HECW2: variants seen among roughly 807,000 people sequenced by gnomAD.
HECW2 encodes the protein E3 ubiquitin-protein ligase HECW2.
HECW2 carries 61 observed loss-of-function variants against 175.2 expected under a neutral mutation model. The observed-to-expected ratio is 0.35, with a 90% CI of 0.28 to 0.43. The LOEUF is 0.43. Among genes scored for constraint, HECW2 ranks in the 20% least tolerant of loss-of-function variants. The probability of loss-of-function intolerance (pLI) is 1.00; values close to 1 mark genes in which losing one functional copy is unlikely to be tolerated. For missense variants in HECW2, 1,524 were observed against 2,000.5 expected (o/e 0.76, Z 4.54); for synonymous variants, 671 against 731.0 (o/e 0.92, Z 1.32).
chr2:196,215,733 G>A, intron 28 of HECW2, 132 bp downstream of exon 28: 1 of 630,594 alleles, frequency 1.6e-6, no homozygotes, highest in Non-Finnish European at 2.7e-6. Flanking sequence ...GGTTATCAGG[G>A]AGAAATTCAT....
At chr2:196,572,947 T>C (rs746280127) in intron 1 of HECW2, among the ~76,000 whole-genome samples, 3 of 152,216 alleles carry the variant, frequency 2.0e-5, no homozygotes, top group Non-Finnish European at 4.4e-5. Flanking sequence ...TATTCCGTTA[T>C]AGCAGTCAGA....
chr2:196,423,318 C>G (rs6434856), intron 2 of HECW2, among the ~76,000 whole-genome samples: 147,157 of 152,166 alleles, frequency 0.97, 71,153 homozygotes, highest in East Asian at 1. Context: ...TGGAGAAATT[C>G]AGGTTTAAAA....
chr2:196,321,845 C>T (rs2105766701), intron 7 of HECW2, among the ~76,000 whole-genome samples: 1 of 152,298 alleles, frequency 6.6e-6, no homozygotes, highest in South Asian at 2.1e-4. Flanking sequence ...CTCTAGTCAG[C>T]TATGCATTAT....
At chr2:196,435,489 AACT>A (rs1695841974) in intron 1 of HECW2, among the ~76,000 whole-genome samples, 2 of 152,226 alleles carry the variant, frequency 1.3e-5, no homozygotes, top group Admixed American at 6.5e-5. Context: ...TATATAACTA[AACT>A]ACTTCCCTGA....
At chr2:196,283,230 C>A (rs1690253960) in intron 14 of HECW2, among the ~76,000 whole-genome samples, 1 of 130,678 alleles carries the variant, frequency 7.7e-6, no homozygotes, top group Admixed American at 8.3e-5. Flanking sequence ...CCACTGCACT[C>A]CAGCCTGGGT....
intron 1 of HECW2, among the ~76,000 whole-genome samples, chr2:196,460,775 AATTTTTTTT>A (rs1696711290): frequency 8.3e-6 from 1 of 120,848 alleles, no homozygotes; most frequent in South Asian, 2.7e-4. Flanking sequence ...CACACCTGGC[AATTTTTTTT>A]TTTTTTTTTT....
At chr2:196,568,463 T>TA (rs1490101568) in intron 1 of HECW2, among the ~76,000 whole-genome samples, 1 of 152,196 alleles carries the variant, frequency 6.6e-6, no homozygotes, top group Non-Finnish European at 1.5e-5. Flanking sequence ...GCCCCTTACT[T>TA]ATGATAGGTG....
intron 2 of HECW2, among the ~76,000 whole-genome samples, chr2:196,413,506 C>T (rs1048873340): frequency 1.7e-4 from 26 of 152,048 alleles, no homozygotes; most frequent in Non-Finnish European, 3.2e-4. Flanking sequence ...CCACCATGCC[C>T]GGCTAATTTT....
chr2:196,379,933 C>T (rs1324935132), intron 2 of HECW2, among the ~76,000 whole-genome samples: 4 of 149,410 alleles, frequency 2.7e-5, no homozygotes, highest in African/African-American at 9.8e-5. Context: ...GGAGAAGGTA[C>T]TGCTCTACAT....
chr2:196,583,886 G>A (rs1315157099), intron 1 of HECW2, among the ~76,000 whole-genome samples: 1 of 152,122 alleles, frequency 6.6e-6, no homozygotes, highest in Non-Finnish European at 1.5e-5. Flanking sequence ...AAGACTAATG[G>A]AAAACAATAA....
At chr2:196,400,429 A>C (rs1694786975) in intron 2 of HECW2, among the ~76,000 whole-genome samples, 1 of 152,216 alleles carries the variant, frequency 6.6e-6, no homozygotes, top group East Asian at 1.9e-4. Flanking sequence ...TGAAAAGATA[A>C]GCTTAGGTAT....
At chr2:196,283,671 A>G (rs1690274906) in intron 14 of HECW2, among the ~76,000 whole-genome samples, 1 of 152,140 alleles carries the variant, frequency 6.6e-6, no homozygotes, top group Non-Finnish European at 1.5e-5. Context: ...GTAAGCCACC[A>G]TGCCTGGTGA....
intron 22 of HECW2, 111 bp downstream of exon 22, chr2:196,227,991 T>C (rs1687915613): frequency 2.0e-6 from 2 of 994,962 alleles, no homozygotes; most frequent in Non-Finnish European, 2.9e-6. Context: ...TAACTGAAAA[T>C]ATGACTTTGC....
chr2:196,210,154 C>A (rs1347237968), intron 28 of HECW2, among the ~76,000 whole-genome samples: 2 of 152,246 alleles, frequency 1.3e-5, no homozygotes, highest in Non-Finnish European at 2.9e-5. Context: ...TGACAGTAGA[C>A]AATGCTCCCT....
intron 1 of HECW2, among the ~76,000 whole-genome samples, chr2:196,582,625 C>G (rs138395348): frequency 6.6e-6 from 1 of 152,288 alleles, no homozygotes; most frequent in Non-Finnish European, 1.5e-5. Flanking sequence ...ATCCATAACA[C>G]CTGTGTCTGG....
At chr2:196,579,699 T>C (rs1690698016) in intron 1 of HECW2, among the ~76,000 whole-genome samples, 1 of 152,104 alleles carries the variant, frequency 6.6e-6, no homozygotes, top group Non-Finnish European at 1.5e-5. Context: ...GTAATTAAGT[T>C]AAAATGAGGC....
chr2:196,552,281 G>C (rs1328809850), intron 1 of HECW2, among the ~76,000 whole-genome samples: 1 of 152,172 alleles, frequency 6.6e-6, no homozygotes, highest in Admixed American at 6.5e-5. Flanking sequence ...TGACCAATCA[G>C]GTTTGTGTGA....
chr2:196,228,622 G>A (rs1015171378), intron 21 of HECW2, among the ~76,000 whole-genome samples: 5 of 152,172 alleles, frequency 3.3e-5, no homozygotes, highest in Non-Finnish European at 7.4e-5. Flanking sequence ...GGAGCACAAC[G>A]AGAAAGCTTT....
At chr2:196,582,285 T>C (rs1374841979) in intron 1 of HECW2, among the ~76,000 whole-genome samples, 3 of 152,126 alleles carry the variant, frequency 2.0e-5, no homozygotes, top group Non-Finnish European at 4.4e-5. Context: ...ATGCTGAAGA[T>C]AAACTAACTC....
Sources: gnomAD v4.1 joint callset for allele counts (sites outside exome capture counted in the v4.1 genomes callset) on GRCh38, gnomAD v4.1.1 for gene constraint, MANE v1.5 for transcripts, NCBI Gene and HGNC (gene_info 2026-07-23, HGNC 2026-07-21) for gene names.